The following MARCHF1 variants were observed in gnomAD, a reference collection of about 807,000 sequenced individuals.
MARCHF1 encodes the protein membrane associated ring-CH-type finger 1, also known as E3 ubiquitin-protein ligase MARCHF1.
MARCHF1 carries 40 observed loss-of-function variants against 54.2 expected under a neutral mutation model. The ratio of observed to expected loss-of-function variants is 0.74; its 90% CI spans 0.57 to 0.96. The LOEUF is 0.96. Among genes scored for constraint, MARCHF1 ranks in the 40% least tolerant of loss-of-function variants. The pLI is 0.00. For synonymous variants in MARCHF1, 236 were observed against 236.3 expected, an observed-to-expected ratio of 1.00 and a Z score of 0.01; for missense variants, 586 against 656.5, an observed-to-expected ratio of 0.89 and a Z score of 1.17.
At chr4:163,689,423 G>A (rs149750048) in intron 5 of MARCHF1, among the ~76,000 whole-genome samples, 2 of 152,178 alleles carry the variant, frequency 1.3e-5, no homozygotes, top group African/African-American at 4.8e-5. Context: ...TTTCTGTGAT[G>A]ATAGAAATAT....
In MARCHF1 at chr4:163,720,871, C is replaced by T. The variant is rs370972939; in HGVS notation, c.112-20008G>A. 4.5e-3 allele frequency among the ~76,000 whole-genome samples: 692 copies of T among 152,210 alleles called. 8 individuals carry two copies. The highest frequency in any genetic ancestry group is 0.025 in the South Asian group (122 of 4,818). On this transcript the variant is annotated intron_variant, in intron 4 of 9. Transcript: ENST00000514618. ...TAAGAATGCTTGTGATTTTTGCACA[C>T]TGATTTTGTATCCTGAGACTTTGCT...
chr4:163,707,198 C>G (rs920154342), intron 4 of MARCHF1, among the ~76,000 whole-genome samples: 2 of 152,044 alleles, frequency 1.3e-5, no homozygotes, highest in East Asian at 1.9e-4. Context: ...AGCTAAGACA[C>G]GAACCAGAAA....
chr4:164,218,294 A>G (rs927219256), intron 1 of MARCHF1, among the ~76,000 whole-genome samples: 1 of 152,112 alleles, frequency 6.6e-6, no homozygotes, highest in Admixed American at 6.6e-5. Flanking sequence ...TGTAGCGTTG[A>G]GTATTGAAAC....
chr4:164,147,203 G>C (rs886517169), intron 1 of MARCHF1, among the ~76,000 whole-genome samples: 1 of 150,728 alleles, frequency 6.6e-6, no homozygotes, highest in Non-Finnish European at 1.5e-5. Flanking sequence ...GGAGAAATAG[G>C]AACACTTTTA....
chr4:163,979,484 G>A (rs1471104457), intron 3 of MARCHF1, among the ~76,000 whole-genome samples: 7 of 143,020 alleles, frequency 4.9e-5, no homozygotes, highest in Admixed American at 2.1e-4. Context: ...ATAAACATAC[G>A]TGTGCATGTG....
At chr4:164,312,018 A>T (rs973658552) in intron 1 of MARCHF1, among the ~76,000 whole-genome samples, 7 of 152,186 alleles carry the variant, frequency 4.6e-5, no homozygotes, top group African/African-American at 1.7e-4. Flanking sequence ...ATTACTGATA[A>T]TTCTCTATGC....
At chr4:163,580,062 ATTATTTATTTAT>A (rs3085769) in intron 8 of MARCHF1, among the ~76,000 whole-genome samples, 7 of 144,212 alleles carry the variant, frequency 4.9e-5, no homozygotes, top group Non-Finnish European at 3.0e-5. Flanking sequence ...AGCCTTATTT[ATTATTTATTTAT>A]TTATTTATTT....
At chr4:163,925,237 AC>A (rs1017149386) in intron 3 of MARCHF1, among the ~76,000 whole-genome samples, 43 of 151,622 alleles carry the variant, frequency 2.8e-4, no homozygotes, top group Non-Finnish European at 4.6e-4. Context: ...TAAGAAAAAA[AC>A]AATAAGGTTT....
chr4:164,268,638 G>A, intron 1 of MARCHF1, among the ~76,000 whole-genome samples: 1 of 151,998 alleles, frequency 6.6e-6, no homozygotes, highest in East Asian at 1.9e-4. Context: ...TCCAATAATA[G>A]CATAAGGCCC....
chr4:164,020,994 G>T lies in MARCHF1; in HGVS notation c.-247-32285C>A, dbSNP rs570730921. Reference sequence around the variant, plus strand: ...ATTTGTTGTTGTTGTTGTTTTGTTTGTTTTAATTAAGGAAAGGACAAAAAT... The same window carrying T: ...ATTTGTTGTTGTTGTTGTTTTGTTTTTTTTAATTAAGGAAAGGACAAAAAT... On this transcript the variant is annotated intron_variant, in intron 2 of 9. Transcript: ENST00000514618. Among the ~76,000 whole-genome samples, 477 of 151,276 alleles carry T rather than the reference G, an allele frequency of 3.2e-3. 3 individuals are homozygous for T. Among genetic ancestry groups the T allele is most frequent in the African/African-American group, 0.011 (460 of 41,052 alleles).
intron 5 of MARCHF1, among the ~76,000 whole-genome samples, chr4:163,663,593 G>A (rs1743426004): frequency 6.6e-6 from 1 of 151,930 alleles, no homozygotes. Context: ...GGTTTTACTG[G>A]CAAGGGAGCT....
At chr4:164,242,182 G>C (rs1732787637) in intron 1 of MARCHF1, among the ~76,000 whole-genome samples, 1 of 150,008 alleles carries the variant, frequency 6.7e-6, no homozygotes, top group African/African-American at 2.5e-5. Flanking sequence ...GCAGGGCACA[G>C]ACAAACAAAA....
In MARCHF1 at chr4:163,792,010, G is replaced by A. The variant is rs553301504; in HGVS notation, c.111+62011C>T. 2.5e-3 allele frequency among the ~76,000 whole-genome samples: 383 copies of A among 152,288 alleles called. 2 individuals carry two copies. The highest frequency in any genetic ancestry group is 8.6e-3 in the African/African-American group (358 of 41,578). ...CTTGCTGGAATTAAGAGGGGAAAAAGTAATGGATCTGGTGCTGAAGCCATA... is the reference window on the plus strand; with the variant it reads ...CTTGCTGGAATTAAGAGGGGAAAAAATAATGGATCTGGTGCTGAAGCCATA... On this transcript the variant is annotated intron_variant, in intron 4 of 9. Coordinates refer to ENST00000514618, the MANE Select transcript of MARCHF1 (RefSeq NM_001394959.1).
intron 8 of MARCHF1, among the ~76,000 whole-genome samples, chr4:163,572,152 T>G (rs1440683499): frequency 6.6e-6 from 1 of 152,082 alleles, no homozygotes; most frequent in East Asian, 1.9e-4. Context: ...ATGAGAAAGA[T>G]TCAGACACAG....
At chr4:164,151,324 T>A (rs1050932351) in intron 1 of MARCHF1, among the ~76,000 whole-genome samples, 2 of 152,194 alleles carry the variant, frequency 1.3e-5, no homozygotes, top group Non-Finnish European at 2.9e-5. Context: ...CATTTGTTCA[T>A]TAAGTTCAAA....
At chr4:164,100,984 T>C (rs560132859) in intron 2 of MARCHF1, among the ~76,000 whole-genome samples, 1 of 152,094 alleles carries the variant, frequency 6.6e-6, no homozygotes, top group Non-Finnish European at 1.5e-5. Flanking sequence ...CCTTTCTGAG[T>C]CAAAGAAAGG....
intron 3 of MARCHF1, among the ~76,000 whole-genome samples, chr4:163,895,271 C>T (rs997549917): frequency 1.1e-4 from 16 of 152,144 alleles, no homozygotes; most frequent in African/African-American, 2.9e-4. Context: ...ACAATAGTTA[C>T]TTGGAATTAT....
chr4:163,924,705 A>T (rs552290855), intron 3 of MARCHF1, among the ~76,000 whole-genome samples: 2 of 152,024 alleles, frequency 1.3e-5, no homozygotes, highest in East Asian at 1.9e-4. Flanking sequence ...AGGATAAGAA[A>T]TTTAATCAAG....
intron 1 of MARCHF1, among the ~76,000 whole-genome samples, chr4:164,317,451 C>T (rs143919759): frequency 5.3e-5 from 8 of 152,272 alleles, no homozygotes; most frequent in Non-Finnish European, 1.0e-4. Flanking sequence ...GCTTTCTTCA[C>T]GGTCTGTGCT....
Sources: gnomAD v4.1 joint callset for allele counts (sites outside exome capture counted in the v4.1 genomes callset) on GRCh38, gnomAD v4.1.1 for gene constraint, MANE v1.5 for transcripts, NCBI Gene and HGNC (gene_info 2026-07-23, HGNC 2026-07-21) for gene names.